UNC79: variants seen among roughly 807,000 people sequenced by gnomAD.
UNC79 encodes the protein protein unc-79 homolog.
In UNC79, 37 loss-of-function variants were observed where a neutral mutation model predicts 283.1. That is an observed-to-expected ratio of 0.13 (90% CI 0.10 to 0.17). The LOEUF (loss-of-function observed/expected upper bound fraction) is 0.17, where lower values mean the gene tolerates loss of function less well. UNC79 is among the 10% of genes least tolerant of loss of function. UNC79 has a pLI of 1.00. For synonymous variants in UNC79, 1,107 were observed against 1,200.2 expected (o/e 0.92, Z 1.61); for missense variants, 2,272 against 3,211.1 (o/e 0.71, Z 7.07).
At position 93,582,195 on chromosome 14, in the gene UNC79, T is replaced by A. The variant is rs1166008782; in HGVS notation, c.2662-8T>A. On this transcript the variant is annotated splice_region_variant and splice_polypyrimidine_tract_variant and intron_variant, in intron 19 of 48. Transcript: ENST00000555664. ...TGCTTACCTGGCTGCCTGTCCTGTT[T>A]ATTTCAGGAGCCCACAGACAGCCTG... 2.5e-6 allele frequency: 4 copies of A among 1,614,104 alleles called. No individual in the cohort carries two copies. The highest frequency in any genetic ancestry group is 2.5e-6 in the Non-Finnish European group (3 of 1,179,984).
Position 93,670,109 on chromosome 14 carries a change from A to G in UNC79, c.6637-3242A>G, listed in dbSNP as rs7161609. ...ATGAGTGTTCGGTCCATCTTCTGAGACTGGAAAAACTCAAACTCAAGCCAT... is the reference window on the plus strand; with the variant it reads ...ATGAGTGTTCGGTCCATCTTCTGAGGCTGGAAAAACTCAAACTCAAGCCAT... On this transcript the variant is annotated intron_variant, in intron 40 of 48. Transcript: ENST00000555664. Among the ~76,000 whole-genome samples the G allele has an allele frequency of 7.6e-3, 1,151 of 152,296 alleles. 11 individuals are homozygous for G. Among genetic ancestry groups the G allele is most frequent in the Non-Finnish European group, 0.012 (836 of 68,020 alleles).
chr14:93,501,403 A>G (rs1186126890), intron 7 of UNC79, among the ~76,000 whole-genome samples: 1 of 152,042 alleles, frequency 6.6e-6, no homozygotes, highest in Non-Finnish European at 1.5e-5. Flanking sequence ...AATTACAGTA[A>G]CATGTGGCCA....
chr14:93,584,886 G>T (rs536920847), intron 20 of UNC79, among the ~76,000 whole-genome samples: 1 of 151,292 alleles, frequency 6.6e-6, no homozygotes, highest in African/African-American at 2.4e-5. Context: ...TTTAAGAGAT[G>T]GGGTTTTGCC....
intron 1 of UNC79, among the ~76,000 whole-genome samples, chr14:93,355,953 C>T (rs1442771609): frequency 6.6e-6 from 1 of 151,936 alleles, no homozygotes; most frequent in African/African-American, 2.4e-5. Context: ...CTGCCCATCT[C>T]CTGTGTTCCC....
At chr14:93,420,332 A>G (rs1182252280) in intron 1 of UNC79, among the ~76,000 whole-genome samples, 1 of 151,728 alleles carries the variant, frequency 6.6e-6, no homozygotes, top group African/African-American at 2.4e-5. Context: ...TATCCAACAA[A>G]ATAGATTTCA....
At chr14:93,393,535 A>G (rs985101316) in intron 1 of UNC79, among the ~76,000 whole-genome samples, 3 of 152,220 alleles carry the variant, frequency 2.0e-5, no homozygotes, top group Non-Finnish European at 2.9e-5. Context: ...AGAAATAAAG[A>G]CATTAAAGTA....
At chr14:93,686,753 T>C in intron 43 of UNC79, 92 bp downstream of exon 46, 2 of 1,414,112 alleles carry the variant, frequency 1.4e-6, no homozygotes, top group Non-Finnish European at 2.0e-6. Flanking sequence ...TATCGCTACC[T>C]GGGGAGGCAG....
At chr14:93,558,593 AT>A (rs71129647) in intron 14 of UNC79, among the ~76,000 whole-genome samples, 6 of 62,778 alleles carry the variant, frequency 9.6e-5, no homozygotes, top group Admixed American at 2.7e-4. Context: ...AGAAACAGGG[AT>A]TTTTTTTTTT....
intron 32 of UNC79, among the ~76,000 whole-genome samples, chr14:93,637,537 C>CAT (rs748013174): frequency 3.2e-4 from 49 of 152,012 alleles, no homozygotes; most frequent in East Asian, 2.7e-3. Flanking sequence ...AGTCTTCTCT[C>CAT]ATATATATAT....
At chr14:93,696,905 G>A (rs575083699) in intron 47 of UNC79, among the ~76,000 whole-genome samples, 16 of 152,152 alleles carry the variant, frequency 1.1e-4, no homozygotes, top group African/African-American at 3.6e-4. Context: ...TTTCACTTGG[G>A]TGTTAGTTTA....
intron 47 of UNC79, among the ~76,000 whole-genome samples, chr14:93,704,067 G>A (rs1473321901): frequency 6.6e-6 from 1 of 152,188 alleles, no homozygotes; most frequent in Non-Finnish European, 1.5e-5. Context: ...GAGGGCCAGG[G>A]TTCTCCAGCA....
chr14:93,607,023 C>T (rs759496986), intron 26 of UNC79, among the ~76,000 whole-genome samples: 5 of 152,272 alleles, frequency 3.3e-5, no homozygotes, highest in Non-Finnish European at 7.4e-5. Context: ...CAAGTAACTG[C>T]CCGTAGGAAT....
chr14:93,425,253 C>T (rs1432933833), intron 1 of UNC79, among the ~76,000 whole-genome samples: 9 of 152,084 alleles, frequency 5.9e-5, no homozygotes, highest in Non-Finnish European at 1.3e-4. Flanking sequence ...CTTATAAAAC[C>T]ATCAGATCTT....
At chr14:93,652,548 C>T (rs2070403516) in intron 35 of UNC79, among the ~76,000 whole-genome samples, 1 of 152,236 alleles carries the variant, frequency 6.6e-6, no homozygotes, top group Non-Finnish European at 1.5e-5. Flanking sequence ...GCGATAGTCA[C>T]TGTGCCTGGC....
At chr14:93,380,108 C>G (rs1436362491) in intron 1 of UNC79, among the ~76,000 whole-genome samples, 1 of 152,038 alleles carries the variant, frequency 6.6e-6, no homozygotes, top group Non-Finnish European at 1.5e-5. Context: ...AGGAAGCTGG[C>G]ACGTAGTAGA....
At chr14:93,646,727 G>A (rs542231505) in intron 35 of UNC79, 81 bp downstream of exon 38, 17 of 1,517,690 alleles carry the variant, frequency 1.1e-5, no homozygotes, top group African/African-American at 4.1e-5. Flanking sequence ...CACCAGTGTG[G>A]GGCTGGGTGC....
chr14:93,639,102 C>T (rs527815767), intron 32 of UNC79, among the ~76,000 whole-genome samples: 2 of 152,300 alleles, frequency 1.3e-5, no homozygotes, highest in East Asian at 3.9e-4. Flanking sequence ...AGAATGACTT[C>T]GAGTGCCTCC....
chr14:93,691,778 C>T, exon 46 of UNC79: 1 of 1,614,214 alleles, frequency 6.2e-7, no homozygotes, highest in Non-Finnish European at 8.5e-7. Context: ...GCTCCCTCTT[C>T]CACGCGTTCA....
In UNC79 at chr14:93,443,526, C is replaced by T. The variant is rs578183451; in HGVS notation, c.22+12475C>T. 5.3e-4 allele frequency among the ~76,000 whole-genome samples: 80 copies of T among 151,326 alleles called. 2 individuals carry two copies. The highest frequency in any genetic ancestry group is 2.8e-3 in the Admixed American group (42 of 15,162). On this transcript the variant is annotated intron_variant, in intron 1 of 48. Coordinates refer to ENST00000555664, the Ensembl canonical transcript of UNC79. The stretch of plus-strand genomic sequence containing the variant: ...GCAACCTCCGCCTCTTAGGTTCAAG[C>T]GATTCTCCTGCCTCAGCCTCCCGAG...
Sources: gnomAD v4.1 joint callset for allele counts (sites outside exome capture counted in the v4.1 genomes callset) on GRCh38, gnomAD v4.1.1 for gene constraint, MANE v1.5 for transcripts, NCBI Gene and HGNC (gene_info 2026-07-23, HGNC 2026-07-21) for gene names.